Variants in TPX2 observed in about 807,000 individuals in gnomAD.
TPX2 encodes targeting protein for Xklp2.
A neutral mutation model predicts 93.6 loss-of-function variants in TPX2; 21 were observed. That is an observed-to-expected ratio of 0.22 (90% CI 0.16 to 0.32). The LOEUF is 0.32. Among genes scored for constraint, TPX2 ranks in the 10% least tolerant of loss-of-function variants. TPX2 has a pLI of 1.00. For synonymous variants in TPX2, 281 were observed against 298.3 expected (o/e 0.94, Z 0.60); for missense variants, 776 against 871.1 (o/e 0.89, Z 1.37).
chr20:31,759,396 G>GTTTTT (rs35468756), intron 3 of TPX2, among the ~76,000 whole-genome samples: 27 of 100,408 alleles, frequency 2.7e-4, no homozygotes, highest in Middle Eastern at 5.6e-3. Context: ...GTTTTCTTTC[G>GTTTTT]TTTTTTTTTT....
rs934726762 is a variant in TPX2, at chr20:31,798,302, A to AG, written c.1946-58dup. Reference sequence around the variant, plus strand: ...CATGTCTGTGCCACTTGCTCATTCCAGGGGGCGTAGGTTTATGCAAGTCCT... The same window carrying AG: ...CATGTCTGTGCCACTTGCTCATTCCAGGGGGGCGTAGGTTTATGCAAGTCCT... On this transcript the variant is annotated intron_variant, in intron 16 of 17. Coordinates refer to ENST00000300403, the MANE Select transcript of TPX2 (RefSeq NM_012112.5). 6 of 1,602,390 alleles carry AG rather than the reference A, an allele frequency of 3.7e-6. No individual in the cohort carries two copies. In the African/African-American group the frequency reaches 6.7e-5, roughly 18 times the overall value.
intron 12 of TPX2, among the ~76,000 whole-genome samples, chr20:31,786,400 GTTT>G (rs369303743): frequency 1.1e-5 from 1 of 89,364 alleles, no homozygotes. Flanking sequence ...CTGAACTACT[GTTT>G]TTTTTTTTTT....
chr20:31,771,598 CTCA>C lies in TPX2; in HGVS notation c.528_530del (p.His176del). 2 of 1,613,734 alleles carry C rather than the reference CTCA, an allele frequency of 1.2e-6. No individual in the cohort carries two copies. Among genetic ancestry groups the C allele is most frequent in the Non-Finnish European group, 1.7e-6 (2 of 1,179,876 alleles). ...AAGAAGCCAGAGGAAGAAGGCAGTGCTCATCAAGATACTGCTGAAAAGAATGCA... is the reference window on the plus strand; with the variant it reads ...AAGAAGCCAGAGGAAGAAGGCAGTGCTCAAGATACTGCTGAAAAGAATGCA... On this transcript the variant is annotated inframe_deletion, in exon 7 of 18. Transcript: ENST00000300403.
At chr20:31,762,435 C>T (rs542608463) in intron 4 of TPX2, among the ~76,000 whole-genome samples, 70 of 152,140 alleles carry the variant, frequency 4.6e-4, no homozygotes, top group Middle Eastern at 3.4e-3. Context: ...CTGCAACCTC[C>T]GCCTCCCGGG....
chr20:31,794,078 G>GAAT, intron 14 of TPX2, 54 bp downstream of exon 14: 1 of 1,519,846 alleles, frequency 6.6e-7, no homozygotes, highest in Non-Finnish European at 8.8e-7. Flanking sequence ...ATCCCTCAAA[G>GAAT]ACAGTTTTTT....
At position 31,783,983 on chromosome 20, in the gene TPX2, T is replaced by C. The variant is rs2062050394; in HGVS notation, c.1413+62T>C. ...TGCTCATGACCAGATATCCACCCAT[T>C]CACACAAAAGTTTGGGTAGATATTA... On this transcript the variant is annotated intron_variant, in intron 12 of 17. Transcript: ENST00000300403. 4 of 1,564,398 alleles carry C rather than the reference T, an allele frequency of 2.6e-6. No homozygotes were observed. In the African/African-American group the frequency reaches 4.1e-5, roughly 16 times the overall value.
intron 5 of TPX2, 113 bp downstream of exon 5, chr20:31,766,795 CTTTTTTTTTTT>C (rs11299452): frequency 1.3e-5 from 6 of 450,880 alleles, no homozygotes; most frequent in East Asian, 1.3e-4. Context: ...CTTTATGTTA[CTTTTTTTTTTT>C]TTTTTTTTTT....
At chr20:31,794,613 A>G in intron 15 of TPX2, 65 bp downstream of exon 15, 4 of 1,574,120 alleles carry the variant, frequency 2.5e-6, no homozygotes, top group Non-Finnish European at 3.4e-6. Flanking sequence ...AGGCAGACCC[A>G]CCATACTGAA....
intron 2 of TPX2, among the ~76,000 whole-genome samples, chr20:31,743,513 G>C (rs1358818671): frequency 6.6e-6 from 1 of 151,922 alleles, no homozygotes; most frequent in African/African-American, 2.4e-5. Context: ...TAGTGGCACC[G>C]TGTCTCTACA....
intron 4 of TPX2, 95 bp downstream of exon 4, chr20:31,760,274 C>G (rs774549594): frequency 2.7e-6 from 4 of 1,496,674 alleles, no homozygotes; most frequent in African/African-American, 1.4e-5. Flanking sequence ...AATGCTCTAT[C>G]TCTTTGTTTA....
chr20:31,781,057 C>G (rs1296626339), intron 10 of TPX2: 1 of 307,628 alleles, frequency 3.3e-6, no homozygotes, highest in South Asian at 2.7e-5. Context: ...GTAATTGGGA[C>G]TATATATAGG....
At chr20:31,793,351 G>A (rs1169372839) in intron 13 of TPX2, among the ~76,000 whole-genome samples, 2 of 152,192 alleles carry the variant, frequency 1.3e-5, no homozygotes, top group Non-Finnish European at 2.9e-5. Context: ...AATATCCAGA[G>A]TTAGGGTAAT....
In TPX2 at chr20:31,782,864, C is replaced by T. The variant is rs905952799; in HGVS notation, c.1196+474C>T. Among the ~76,000 whole-genome samples, 12 of 145,080 alleles carry T rather than the reference C, an allele frequency of 8.3e-5. No homozygotes were observed. The South Asian group carries it at 1.1e-3, about 14-fold the overall frequency. ...ATATACTCCAGCTTGGGTGACAAAG[C>T]GAGACTGTCTTGCACATACACACAT... On this transcript the variant is annotated intron_variant, in intron 11 of 17. Transcript: ENST00000300403.
intron 15 of TPX2, among the ~76,000 whole-genome samples, chr20:31,795,780 T>C (rs2062134964): frequency 6.6e-6 from 1 of 152,272 alleles, no homozygotes; most frequent in Admixed American, 6.5e-5. Context: ...TGACAGGTGA[T>C]TTAAAACAAT....
At chr20:31,794,596 A>G (rs369255408) in intron 15 of TPX2, 48 bp downstream of exon 15, 101 of 1,601,876 alleles carry the variant, frequency 6.3e-5, no homozygotes, top group Admixed American at 8.5e-5. Flanking sequence ...TGGTTGGTTG[A>G]TTGTACAGGC....
chr20:31,744,596 G>A (rs1189685539), intron 2 of TPX2, among the ~76,000 whole-genome samples: 1 of 151,998 alleles, frequency 6.6e-6, no homozygotes, highest in Non-Finnish European at 1.5e-5. Flanking sequence ...TCAGTGGCGT[G>A]ATCACAGCTC....
At chr20:31,759,396 GTTTTTTTTTTTTT>G (rs35468756) in intron 3 of TPX2, among the ~76,000 whole-genome samples, 2 of 100,412 alleles carry the variant, frequency 2.0e-5, no homozygotes, top group East Asian at 5.5e-4. Context: ...GTTTTCTTTC[GTTTTTTTTTTTTT>G]TTTTTTTTTG....
In TPX2 at chr20:31,800,436, A is replaced by G. The variant is rs572708988; in HGVS notation, c.2134-534A>G. On this transcript the variant is annotated intron_variant, in intron 17 of 17. Coordinates refer to ENST00000300403, the MANE Select transcript of TPX2 (RefSeq NM_012112.5). ...TTCAGTCAATGCTGGTTAACTCTCT[A>G]CTAATCTGGCTTGATTTAGGATTGA... Among the ~76,000 whole-genome samples, 6 of 152,288 alleles carry G rather than the reference A, an allele frequency of 3.9e-5. No homozygotes were observed. In the East Asian group the frequency reaches 1.2e-3, roughly 29 times the overall value.
intron 17 of TPX2, among the ~76,000 whole-genome samples, chr20:31,799,897 C>CAAAA (rs533016889): frequency 4.5e-4 from 29 of 63,938 alleles, no homozygotes; most frequent in Non-Finnish European, 5.8e-4. Flanking sequence ...GAGACTGTCT[C>CAAAA]AAAAAAAAAA....
Sources: allele counts gnomAD v4.1 joint callset (sites outside exome capture counted in the v4.1 genomes callset), GRCh38; gene constraint gnomAD v4.1.1; transcripts MANE v1.5; gene names NCBI Gene and HGNC (gene_info 2026-07-23, HGNC 2026-07-21).